Variants in IL1A observed in about 807,000 individuals in gnomAD.
IL1A encodes the protein interleukin 1 alpha.
IL1A carries 16 observed loss-of-function variants against 22.2 expected under a neutral mutation model. The observed-to-expected ratio is 0.72, with a 90% CI of 0.49 to 1.09. IL1A has a LOEUF of 1.09. Ranked by LOEUF, IL1A falls within the 50% of genes least tolerant of loss-of-function variation. The pLI is 0.00. For synonymous variants in IL1A, 113 were observed against 118.5 expected, an observed-to-expected ratio of 0.95 and a Z score of 0.30; for missense variants, 317 against 321.8, an observed-to-expected ratio of 0.99 and a Z score of 0.11.
At chr2:112,782,901 T>C in intron 2 of IL1A, 137 bp from the exon 3 acceptor site, 1 of 634,944 alleles carries the variant, frequency 1.6e-6, no homozygotes, top group Non-Finnish European at 2.8e-6. Context: ...ATTTAAGGAC[T>C]TCTACACATA....
Position 112,781,607 on chromosome 2 carries a change from C to T in IL1A, c.316G>A (p.Glu106Lys), listed in dbSNP as rs866459720. ...ATTATTGTGCTTGACCCCTTACCTT[C>T]CTCTGAGTCATTGGCGATGGCCTCC... is the stretch of plus-strand genomic sequence containing the variant. The part of the protein sequence containing the change: ...DLEAIANDSE[E>K]EIIKPRSAPF... Residue 106 changes from glutamate to lysine, a missense_variant, in exon 4 of 7, where the codon GAA becomes AAA. Coordinates refer to ENST00000263339, the MANE Select transcript of IL1A (RefSeq NM_000575.5). The T allele has an allele frequency of 6.2e-7, 1 of 1,612,254 alleles. No homozygotes were observed. The highest frequency in any genetic ancestry group is 8.5e-7 in the Non-Finnish European group (1 of 1,178,262).
chr2:112,781,625 T>C lies in IL1A; in HGVS notation c.298A>G (p.Ile100Val). The change falls in exon 4 of 7, where the codon ATC becomes GTC. Residue 100 changes from isoleucine (I) to valine (V), a missense_variant. Transcript: ENST00000263339. ...TTACCTTCCTCTGAGTCATTGGCGA[T>C]GGCCTCCAGGTCATCATCAGTGATG... ...QSITDDDLEA[I>V]ANDSEEEIIK... 6.2e-7 allele frequency: 1 copy of C among 1,614,126 alleles called. No homozygotes were observed. The highest frequency in any genetic ancestry group is 8.5e-7 in the Non-Finnish European group (1 of 1,179,946).
intron 6 of IL1A, 140 bp downstream of exon 6, chr2:112,777,847 G>T: frequency 1.3e-6 from 1 of 764,522 alleles, no homozygotes; most frequent in Non-Finnish European, 2.1e-6. Flanking sequence ...TGGAATCAAT[G>T]GGAGTGGGGT....
chr2:112,779,439 A>G, intron 5 of IL1A, 57 bp downstream of exon 5: 1 of 1,351,560 alleles, frequency 7.4e-7, no homozygotes, highest in East Asian at 2.4e-5. Flanking sequence ...AAATAAATAA[A>G]TAAGTAAATG....
At chr2:112,775,562 G>T (rs1237284405) in intron 6 of IL1A, among the ~76,000 whole-genome samples, 1 of 152,166 alleles carries the variant, frequency 6.6e-6, no homozygotes, top group Non-Finnish European at 1.5e-5. Flanking sequence ...AGGCAGGTAG[G>T]AGGGAAACAT....
In IL1A at chr2:112,783,621, C is replaced by T; in HGVS notation, c.47+103G>A. ...TCAGGACTAGTACACATCTCTACAA[C>T]CTCTGCCGGCCTGCCCCCATGCTGG... On this transcript the variant is annotated intron_variant, in intron 2 of 6. Coordinates refer to ENST00000263339, the MANE Select transcript of IL1A (RefSeq NM_000575.5). 3.2e-6 allele frequency: 3 copies of T among 927,888 alleles called. No individual in the cohort carries two copies. The South Asian group carries it at 4.0e-5, about 12-fold the overall frequency. The allele number at this position is 927,888 out of a possible 1,614,324, so 57.5% of individuals were successfully genotyped here.
In IL1A at chr2:112,773,953, C is replaced by T. The variant is rs1428789790; in HGVS notation, c.*1114G>A. ...TGTTGCAAGCTTTATTTAGTTATGA[C>T]TGATAACACTCTATCAATCACTATT... On this transcript the variant is annotated 3_prime_UTR_variant, in exon 7 of 7. Coordinates refer to ENST00000263339, the MANE Select transcript of IL1A (RefSeq NM_000575.5). 3 of 152,134 alleles carry T rather than the reference C, an allele frequency of 2.0e-5. No individual in the cohort carries two copies. Among genetic ancestry groups the T allele is most frequent in the African/African-American group, 7.2e-5 (3 of 41,426 alleles). The allele number at this position is 152,134 out of a possible 1,614,324, so 9.4% of individuals were successfully genotyped here. A position where few individuals can be genotyped will look rare whatever the true frequency, so the allele number is the denominator to read the frequency against.
At chr2:112,781,559 G>T in intron 4 of IL1A, 45 bp downstream of exon 4, 1 of 1,466,634 alleles carries the variant, frequency 6.8e-7, no homozygotes, top group Non-Finnish European at 9.6e-7. Flanking sequence ...GTCCCTACTT[G>T]CTTAAAACTG....
chr2:112,780,928 G>T (rs3783535), intron 4 of IL1A, among the ~76,000 whole-genome samples: 13 of 152,054 alleles, frequency 8.5e-5, no homozygotes, highest in Non-Finnish European at 1.3e-4. Flanking sequence ...GCTGAGGCAG[G>T]AGAATGGCAT....
rs1413701356 is a variant in IL1A at position 112,780,820 on chromosome 2, G to A, written c.319+784C>T. Among the ~76,000 whole-genome samples the A allele has an allele frequency of 2.0e-5, 3 of 152,172 alleles. 1 individual carries two copies. The highest frequency in any genetic ancestry group is 2.9e-5 in the Non-Finnish European group (2 of 67,996). Reference sequence around the variant, plus strand: ...TGGGAGGCCAAGGTGGGTGGATCACGAGGAGATGGAGACCACGGTGAAACT... The same window carrying A: ...TGGGAGGCCAAGGTGGGTGGATCACAAGGAGATGGAGACCACGGTGAAACT... On this transcript the variant is annotated intron_variant, in intron 4 of 6. Transcript: ENST00000263339.
In IL1A at chr2:112,781,614, G is replaced by C. The variant is rs1422669691; in HGVS notation, c.309C>G (p.Asp103Glu). ...TGCTTGACCCCTTACCTTCCTCTGA[G>C]TCATTGGCGATGGCCTCCAGGTCAT... ...TDDDLEAIANDSEEEIIKPRS... is the reference protein window; with the variant it reads ...TDDDLEAIANESEEEIIKPRS... The change falls in exon 4 of 7, where the codon GAC becomes GAG. Residue 103 changes from aspartate (D) to glutamate (E), a missense_variant. Asp to Glu is a conservative substitution (Grantham distance 45). Transcript: ENST00000263339. The C allele has an allele frequency of 6.2e-7, 1 of 1,612,998 alleles. No homozygotes were observed. The highest frequency in any genetic ancestry group is 8.5e-7 in the Non-Finnish European group (1 of 1,179,046).
rs1212406379 is a variant in IL1A, at chr2:112,774,538, T to G, written c.*529A>C. The stretch of plus-strand genomic sequence containing the variant: ...ATTTTACCAAAATGACCTCCCTGAT[T>G]AGCATAAAAAACTGTTGCGGCAGGA... On this transcript the variant is annotated 3_prime_UTR_variant, in exon 7 of 7. Coordinates refer to ENST00000263339, the MANE Select transcript of IL1A (RefSeq NM_000575.5). 6.6e-6 allele frequency: 1 copy of G among 152,124 alleles called. No homozygotes were observed. The highest frequency in any genetic ancestry group is 6.6e-5 in the Admixed American group (1 of 15,258). 9.4% of individuals were successfully genotyped at this position (152,124 alleles called of 1,614,324 possible).
rs963426375 is a variant in IL1A at position 112,774,499 on chromosome 2, C to T, written c.*568G>A. On this transcript the variant is annotated 3_prime_UTR_variant, in exon 7 of 7. Coordinates refer to ENST00000263339, the MANE Select transcript of IL1A (RefSeq NM_000575.5). ...CGTGCTTTGCCTTCATCTTGAGGCT[C>T]GGCTTCAAGAAGTATTTTACCAAAA... The T allele has an allele frequency of 1.3e-5, 2 of 151,636 alleles. No individual in the cohort carries two copies. The highest frequency in any genetic ancestry group is 2.4e-5 in the African/African-American group (1 of 41,344). 9.4% of individuals were successfully genotyped at this position (151,636 alleles called of 1,614,324 possible). A position where few individuals can be genotyped will look rare whatever the true frequency, so the allele number is the denominator to read the frequency against.
At position 112,775,019 on chromosome 2, in the gene IL1A, C is replaced by T. The variant is rs1354995033; in HGVS notation, c.*48G>A. On this transcript the variant is annotated 3_prime_UTR_variant, in exon 7 of 7. Coordinates refer to ENST00000263339, the MANE Select transcript of IL1A (RefSeq NM_000575.5). The stretch of plus-strand genomic sequence containing the variant: ...ATTTAGCTTCTTCATGTACATGGTA[C>T]ATATGAACTGTCAACACTGCACAAG... The T allele has an allele frequency of 1.0e-5, 15 of 1,433,316 alleles. No individual in the cohort carries two copies. The highest frequency in any genetic ancestry group is 1.4e-5 in the Non-Finnish European group (14 of 1,017,548). 88.8% of individuals were successfully genotyped at this position (1,433,316 alleles called of 1,614,324 possible).
intron 5 of IL1A, among the ~76,000 whole-genome samples, chr2:112,779,143 T>C (rs1297350674): frequency 1.3e-5 from 2 of 152,206 alleles, no homozygotes; most frequent in Admixed American, 1.3e-4. Context: ...CATTGGCTTC[T>C]GGGTAAATCT....
In IL1A at chr2:112,775,271, T is replaced by C. The variant is rs774643628; in HGVS notation, c.616-4A>G. 14 of 1,610,310 alleles carry C rather than the reference T, an allele frequency of 8.7e-6. No homozygotes were observed. The highest frequency in any genetic ancestry group is 1.2e-5 in the Non-Finnish European group (14 of 1,176,590). ...TTTTGGGTATCTCAGGCATCTCCTATGAAGAAAAGAAGAGAATTCTGTTAG... is the reference window on the plus strand; with the variant it reads ...TTTTGGGTATCTCAGGCATCTCCTACGAAGAAAAGAAGAGAATTCTGTTAG... On this transcript the variant is annotated splice_region_variant and splice_polypyrimidine_tract_variant and intron_variant, in intron 6 of 6. Coordinates refer to ENST00000263339, the MANE Select transcript of IL1A (RefSeq NM_000575.5).
At chr2:112,778,753 T>C (rs2104907770) in intron 5 of IL1A, among the ~76,000 whole-genome samples, 1 of 152,314 alleles carries the variant, frequency 6.6e-6, no homozygotes, top group Non-Finnish European at 1.5e-5. Context: ...GGCAAATACA[T>C]ACACGATGTC....
chr2:112,774,780 A>T lies in IL1A; in HGVS notation c.*287T>A. 3.7e-6 allele frequency: 1 copy of T among 271,638 alleles called. No individual in the cohort carries two copies. The highest frequency in any genetic ancestry group is 2.1e-5 in the African/African-American group (1 of 46,562). 16.8% of individuals were successfully genotyped at this position (271,638 alleles called of 1,614,324 possible). Reference sequence around the variant, plus strand: ...TAATTTGCCCATCTGTAATATGGGTAGAGTCTTTTTGGTAGCCATAGTCAG... The same window carrying T: ...TAATTTGCCCATCTGTAATATGGGTTGAGTCTTTTTGGTAGCCATAGTCAG... On this transcript the variant is annotated 3_prime_UTR_variant, in exon 7 of 7. Transcript: ENST00000263339.
At chr2:112,781,263 G>A (rs879345744) in intron 4 of IL1A, among the ~76,000 whole-genome samples, 5 of 152,088 alleles carry the variant, frequency 3.3e-5, no homozygotes, top group African/African-American at 9.7e-5. Context: ...ACTGAATCAC[G>A]AAAAGATTAT....
Sources: allele counts gnomAD v4.1 joint callset (sites outside exome capture counted in the v4.1 genomes callset), GRCh38; gene constraint gnomAD v4.1.1; transcripts MANE v1.5; gene names NCBI Gene and HGNC (gene_info 2026-07-23, HGNC 2026-07-21).